ACTR3C: variants seen among roughly 807,000 people sequenced by gnomAD.
ACTR3C encodes actin related protein 3C.
A neutral mutation model predicts 26.3 loss-of-function variants in ACTR3C; 18 were observed. That is an observed-to-expected ratio of 0.68 (90% confidence interval 0.47 to 1.01). The LOEUF is 1.01. Ranked by LOEUF, ACTR3C falls within the 50% of genes least tolerant of loss-of-function variation. The probability of loss-of-function intolerance (pLI) is 0.00; values close to 1 mark genes in which losing one functional copy is unlikely to be tolerated. For missense variants in ACTR3C, 184 were observed against 250.7 expected, an observed-to-expected ratio of 0.73 and a Z score of 1.80; for synonymous variants, 55 against 94.5, an observed-to-expected ratio of 0.58 and a Z score of 2.42.
the ACTR3C span, among the ~76,000 whole-genome samples, chr7:150,011,203 A>G: frequency 2.0e-5 from 3 of 152,212 alleles, no homozygotes; most frequent in South Asian, 2.1e-4. Flanking sequence ...AAATAATCAT[A>G]GAGAATTTAT....
At chr7:150,229,617 T>G in the ACTR3C span, among the ~76,000 whole-genome samples, 1 of 151,798 alleles carries the variant, frequency 6.6e-6, no homozygotes, top group South Asian at 2.1e-4. Context: ...CCTGAGTAGC[T>G]GGGACTACAG....
chr7:150,132,131 G>A, the ACTR3C span, among the ~76,000 whole-genome samples: 2 of 152,222 alleles, frequency 1.3e-5, no homozygotes, highest in Non-Finnish European at 1.5e-5. Context: ...CATTAGTTTG[G>A]TGGGTGGCAG....
chr7:149,927,133 C>T, the ACTR3C span, among the ~76,000 whole-genome samples: 1 of 151,834 alleles, frequency 6.6e-6, no homozygotes, highest in Non-Finnish European at 1.5e-5. Flanking sequence ...ACAGGTATGC[C>T]CTGGCTGCCT....
chr7:150,163,358 GTGTGTGTATATATATA>G, the ACTR3C span, among the ~76,000 whole-genome samples: 7 of 133,800 alleles, frequency 5.2e-5, no homozygotes, highest in African/African-American at 2.0e-4. Flanking sequence ...ATCCTTGTGT[GTGTGTGTATATATATA>G]TATGTGTGTA....
At chr7:150,036,899 C>T in the ACTR3C span, among the ~76,000 whole-genome samples, 18 of 116,238 alleles carry the variant, frequency 1.5e-4, 3 homozygotes, top group Admixed American at 4.7e-4. Context: ...GTCCCCGCCT[C>T]GCGGGGAGTG....
At chr7:150,007,969 C>A in the ACTR3C span, among the ~76,000 whole-genome samples, 1 of 152,230 alleles carries the variant, frequency 6.6e-6, no homozygotes, top group Admixed American at 6.5e-5. Context: ...TCTTTGCTGA[C>A]CCCTCACTAC....
intron 6 of ACTR3C, among the ~76,000 whole-genome samples, chr7:150,265,164 C>T (rs999411881): frequency 1.3e-5 from 2 of 152,010 alleles, no homozygotes; most frequent in Non-Finnish European, 2.9e-5. Flanking sequence ...TAACAGAAGA[C>T]ATCATCATAA....
At chr7:150,036,531 C>G in the ACTR3C span, among the ~76,000 whole-genome samples, 3 of 145,122 alleles carry the variant, frequency 2.1e-5, no homozygotes, top group Non-Finnish European at 4.7e-5. Context: ...TTGTTGGGAT[C>G]CCCATTTCAA....
intron 1 of ACTR3C, among the ~76,000 whole-genome samples, chr7:150,308,158 A>C (rs1362442527): frequency 2.6e-5 from 4 of 151,120 alleles, no homozygotes; most frequent in African/African-American, 4.9e-5. Context: ...GGCAAGTACA[A>C]CCTCCCCTGG....
the ACTR3C span, among the ~76,000 whole-genome samples, chr7:149,943,948 C>G: frequency 7.0e-6 from 1 of 142,904 alleles, no homozygotes; most frequent in Non-Finnish European, 1.5e-5. Flanking sequence ...CTTGGCTTGT[C>G]CAGCCATGGG....
chr7:150,308,776 A>G (rs548978234), intron 1 of ACTR3C, among the ~76,000 whole-genome samples: 45 of 152,206 alleles, frequency 3.0e-4, no homozygotes, highest in Non-Finnish European at 5.6e-4. Context: ...TCATTCCATG[A>G]CTAGCTCTCC....
chr7:150,222,012 A>G, the ACTR3C span, among the ~76,000 whole-genome samples: 2 of 150,270 alleles, frequency 1.3e-5, no homozygotes, highest in South Asian at 4.2e-4. Context: ...AAAAAAAAAA[A>G]AAAAAAGTAC....
chr7:150,085,216 C>T, the ACTR3C span, among the ~76,000 whole-genome samples: 12 of 152,080 alleles, frequency 7.9e-5, no homozygotes, highest in Admixed American at 3.9e-4. Flanking sequence ...AGTTCACTTA[C>T]GAAGATAAGG....
At position 150,272,883 on chromosome 7, in the gene ACTR3C, TG is replaced by T. The variant is rs1834562795; in HGVS notation, c.564+11869del. Among the ~76,000 whole-genome samples the T allele has an allele frequency of 1.4e-5, 2 of 138,416 alleles. 1 individual carries two copies. The highest frequency in any genetic ancestry group is 6.3e-5 in the African/African-American group (2 of 31,982). 90.8% of individuals were successfully genotyped at this position (138,416 alleles called of 152,430 possible). A position where few individuals can be genotyped will look rare whatever the true frequency, so the allele number is the denominator to read the frequency against. On this transcript the variant is annotated intron_variant, in intron 6 of 7. Coordinates refer to ENST00000683684, the MANE Select transcript of ACTR3C (RefSeq NM_001164458.2). ...TTTTTAAATTTTTCTTTTGTAGAGA[TG>T]GGGTCTTGCTATGTCAACCAGGCTG...
the ACTR3C span, among the ~76,000 whole-genome samples, chr7:150,010,806 G>A: frequency 5.4e-5 from 8 of 149,480 alleles, no homozygotes; most frequent in African/African-American, 2.0e-4. Context: ...ATGGAACATC[G>A]TGTAGGGCAG....
the ACTR3C span, among the ~76,000 whole-genome samples, chr7:150,205,496 A>G: frequency 6.6e-6 from 1 of 152,206 alleles, no homozygotes; most frequent in African/African-American, 2.4e-5. Flanking sequence ...TACATAAACT[A>G]CGCAACTCCA....
the ACTR3C span, among the ~76,000 whole-genome samples, chr7:150,090,738 A>G: frequency 6.6e-6 from 1 of 150,646 alleles, no homozygotes; most frequent in Non-Finnish European, 1.5e-5. Context: ...TCCCTATGTA[A>G]GATACATAAG....
the ACTR3C span, among the ~76,000 whole-genome samples, chr7:150,193,958 T>A: frequency 0.036 from 5,272 of 147,752 alleles, 185 homozygotes; most frequent in African/African-American, 0.095. Context: ...TAAAAAAATA[T>A]ATATATATAT....
At chr7:150,125,830 G>A in the ACTR3C span, among the ~76,000 whole-genome samples, 1 of 152,202 alleles carries the variant, frequency 6.6e-6, no homozygotes, top group Non-Finnish European at 1.5e-5. Flanking sequence ...TTAGCCAAAT[G>A]TGAGCCCTTG....
Sources: gnomAD v4.1 joint callset for allele counts (sites outside exome capture counted in the v4.1 genomes callset) on GRCh38, gnomAD v4.1.1 for gene constraint, MANE v1.5 for transcripts, NCBI Gene and HGNC (gene_info 2026-07-23, HGNC 2026-07-21) for gene names.